The following FER variants were observed in gnomAD, a reference collection of about 807,000 sequenced individuals.
FER encodes tyrosine-protein kinase Fer.
A neutral mutation model predicts 111.0 loss-of-function variants in FER; 63 were observed. The ratio of observed to expected loss-of-function variants is 0.57; its 90% confidence interval spans 0.46 to 0.70. The LOEUF (loss-of-function observed/expected upper bound fraction) is 0.70, where lower values mean the gene tolerates loss of function less well. FER is among the 30% of genes least tolerant of loss of function. The probability of loss-of-function intolerance (pLI) is 0.00; values close to 1 mark genes in which losing one functional copy is unlikely to be tolerated. For missense variants in FER, 914 were observed against 954.0 expected, an observed-to-expected ratio of 0.96 and a Z score of 0.55; for synonymous variants, 327 against 313.9, an observed-to-expected ratio of 1.04 and a Z score of -0.44.
intron 10 of FER, among the ~76,000 whole-genome samples, chr5:108,920,040 TTTTCA>T (rs138249977): frequency 0.056 from 8,547 of 152,072 alleles, 302 homozygotes; most frequent in South Asian, 0.11. Flanking sequence ...GTTTTTAGTA[TTTTCA>T]TTTCAGAGAC....
At chr5:109,023,202 C>CACAA (rs199785355) in intron 13 of FER, among the ~76,000 whole-genome samples, 2,270 of 152,170 alleles carry the variant, frequency 0.015, 46 homozygotes, top group African/African-American at 0.052. Context: ...AACATTTTCC[C>CACAA]TGATGCATTG....
intron 13 of FER, among the ~76,000 whole-genome samples, chr5:109,017,846 T>C (rs939037201): frequency 1.3e-5 from 2 of 151,942 alleles, no homozygotes; most frequent in African/African-American, 4.8e-5. Context: ...CCCTCAATTA[T>C]GAGAACTAAT....
Position 109,171,843 on chromosome 5 carries a change from G to C in FER, c.2049-8904G>C, listed in dbSNP as rs145795460. Reference sequence around the variant, plus strand: ...GCCTTTAATTTGTTTGCTTAAGACAGAGCTCAGTTTTGTTATTAAATTACC... The same window carrying C: ...GCCTTTAATTTGTTTGCTTAAGACACAGCTCAGTTTTGTTATTAAATTACC... On this transcript the variant is annotated intron_variant, in intron 17 of 19. Transcript: ENST00000281092. Among the ~76,000 whole-genome samples, 1,211 of 152,252 alleles carry C rather than the reference G, an allele frequency of 8.0e-3. 11 individuals carry two copies. Among genetic ancestry groups the C allele is most frequent in the African/African-American group, 0.028 (1,173 of 41,544 alleles).
intron 8 of FER, among the ~76,000 whole-genome samples, chr5:108,879,693 T>TAAAAAA (rs59305064): frequency 9.4e-5 from 11 of 116,682 alleles, no homozygotes; most frequent in African/African-American, 2.3e-4. Flanking sequence ...TTTTTTAGAT[T>TAAAAAA]AAAAAAAAAT....
At chr5:109,002,285 A>G (rs965198056) in intron 13 of FER, among the ~76,000 whole-genome samples, 16 of 151,976 alleles carry the variant, frequency 1.1e-4, no homozygotes, top group African/African-American at 3.6e-4. Flanking sequence ...ATATAGACCA[A>G]TGGAACAGAA....
chr5:109,115,905 A>T (rs1750173510), intron 17 of FER, among the ~76,000 whole-genome samples: 1 of 152,106 alleles, frequency 6.6e-6, no homozygotes, highest in South Asian at 2.1e-4. Context: ...TGGTAGGCGT[A>T]GTGTTAGTTC....
At chr5:108,844,772 T>C (rs1001670792) in intron 5 of FER, among the ~76,000 whole-genome samples, 1 of 151,752 alleles carries the variant, frequency 6.6e-6, no homozygotes, top group African/African-American at 2.4e-5. Context: ...ACACTCTATT[T>C]TGTCTGCCTT....
intron 13 of FER, among the ~76,000 whole-genome samples, chr5:109,034,244 T>G (rs1415063113): frequency 3.9e-5 from 6 of 152,172 alleles, no homozygotes; most frequent in Non-Finnish European, 7.4e-5. Flanking sequence ...TGTAGATCTA[T>G]TGATCAATTA....
chr5:109,085,775 A>G (rs1257055237), intron 16 of FER, among the ~76,000 whole-genome samples: 2 of 151,680 alleles, frequency 1.3e-5, no homozygotes, highest in East Asian at 1.9e-4. Flanking sequence ...TAGATACTGA[A>G]TTTGTTTAAT....
At chr5:109,147,792 TATATATATAGAG>T (rs1346226696) in intron 17 of FER, among the ~76,000 whole-genome samples, 48 of 136,088 alleles carry the variant, frequency 3.5e-4, no homozygotes, top group African/African-American at 6.9e-4. Flanking sequence ...TATATATATA[TATATATATAGAG>T]AGAGAGAGAG....
chr5:108,846,015 T>A (rs73780597), intron 5 of FER, among the ~76,000 whole-genome samples: 153 of 152,350 alleles, frequency 1.0e-3, no homozygotes, highest in African/African-American at 3.4e-3. Context: ...AATTGTTGGA[T>A]GTGATTTGCT....
chr5:109,081,977 C>A (rs1483851301), intron 16 of FER, among the ~76,000 whole-genome samples: 2 of 151,924 alleles, frequency 1.3e-5, no homozygotes, highest in Non-Finnish European at 2.9e-5. Flanking sequence ...GTTTCTGAAC[C>A]ATTATAACAT....
chr5:108,754,752 G>A (rs1035567046), intron 1 of FER, among the ~76,000 whole-genome samples: 2 of 152,116 alleles, frequency 1.3e-5, no homozygotes, highest in Non-Finnish European at 2.9e-5. Flanking sequence ...TTGCAAAAAG[G>A]CTATTTCTAT....
chr5:108,938,791 G>A (rs190742689), intron 10 of FER, among the ~76,000 whole-genome samples: 55 of 151,966 alleles, frequency 3.6e-4, no homozygotes, highest in African/African-American at 1.1e-3. Context: ...CAGAAAGAGG[G>A]GAGCTTGAAT....
At chr5:108,899,184 TATTAAA>T (rs1406979630) in intron 10 of FER, among the ~76,000 whole-genome samples, 1 of 151,976 alleles carries the variant, frequency 6.6e-6, no homozygotes, top group Non-Finnish European at 1.5e-5. Flanking sequence ...TACTATTAAA[TATTAAA>T]ATTAAACTAT....
chr5:108,976,868 A>G (rs1761416854), intron 13 of FER, among the ~76,000 whole-genome samples: 1 of 152,190 alleles, frequency 6.6e-6, no homozygotes, highest in Non-Finnish European at 1.5e-5. Flanking sequence ...AAGCAATTCA[A>G]CTTTATCTTG....
chr5:109,097,853 T>C (rs1747729935), intron 16 of FER, among the ~76,000 whole-genome samples: 1 of 151,808 alleles, frequency 6.6e-6, no homozygotes, highest in Non-Finnish European at 1.5e-5. Flanking sequence ...GATTCATAAT[T>C]ATTTAATTTT....
chr5:108,807,402 G>A (rs1056107407), intron 3 of FER, among the ~76,000 whole-genome samples: 3 of 152,106 alleles, frequency 2.0e-5, no homozygotes, highest in Non-Finnish European at 2.9e-5. Flanking sequence ...TTTCTAGTTT[G>A]TTTGCATAGA....
intron 3 of FER, among the ~76,000 whole-genome samples, chr5:108,815,633 T>C (rs868190640): frequency 6.6e-6 from 1 of 152,178 alleles, no homozygotes. Flanking sequence ...ACTTCTGAAA[T>C]AGTACAGTGA....
Sources: gnomAD v4.1 joint callset for allele counts (sites outside exome capture counted in the v4.1 genomes callset) on GRCh38, gnomAD v4.1.1 for gene constraint, MANE v1.5 for transcripts, NCBI Gene and HGNC (gene_info 2026-07-23, HGNC 2026-07-21) for gene names.